Variants in MGRN1 observed in about 807,000 individuals in gnomAD.
The protein encoded by MGRN1 is mahogunin ring finger 1, also known as E3 ubiquitin-protein ligase MGRN1.
MGRN1 carries 29 observed loss-of-function variants against 69.2 expected under a neutral mutation model. The observed-to-expected ratio is 0.42, with a 90% confidence interval of 0.31 to 0.57. The LOEUF is 0.57. Ranked by LOEUF, MGRN1 falls within the 20% of genes least tolerant of loss-of-function variation. MGRN1 has a pLI of 0.15. For synonymous variants in MGRN1, 470 were observed against 344.2 expected (o/e 1.37, Z -4.04); for missense variants, 998 against 796.2 (o/e 1.25, Z -3.05).
rs1338622542 is a variant in MGRN1, at chr16:4,686,909, C to T, written c.1619-1887C>T. 9.1e-6 allele frequency: 9 copies of T among 985,440 alleles called. No individual in the cohort carries two copies. The African/African-American group carries it at 1.2e-4, about 13-fold the overall frequency. 61.0% of individuals were successfully genotyped at this position (985,440 alleles called of 1,614,324 possible). A position where few individuals can be genotyped will look rare whatever the true frequency, so the allele number is the denominator to read the frequency against. On this transcript the variant is annotated intron_variant, in intron 16 of 16. Transcript: ENST00000262370. ...TGGATCACGTCTTCCCAAGCTCAGT[C>T]CCTGTCTCTTGGAGGGAGTCCGTCC...
chr16:4,642,513 A>G (rs2078183420), intron 1 of MGRN1, among the ~76,000 whole-genome samples: 2 of 142,794 alleles, frequency 1.4e-5, no homozygotes. Flanking sequence ...TTTAGTAGAG[A>G]TGGGGGTTTC....
At chr16:4,632,417 G>A (rs911194993) in intron 1 of MGRN1, among the ~76,000 whole-genome samples, 35 of 151,474 alleles carry the variant, frequency 2.3e-4, no homozygotes, top group African/African-American at 7.5e-4. Context: ...TTTTTGAGAC[G>A]GAGTCTTGCT....
At chr16:4,685,991 G>C (rs896081385) in intron 16 of MGRN1, among the ~76,000 whole-genome samples, 4 of 152,204 alleles carry the variant, frequency 2.6e-5, no homozygotes, top group Admixed American at 2.6e-4. Context: ...GACTGCGCCC[G>C]TTAGGTCCTT....
At chr16:4,668,114 T>C in intron 7 of MGRN1, 151 bp from the exon 8 acceptor site, 1 of 624,412 alleles carries the variant, frequency 1.6e-6, no homozygotes, top group Non-Finnish European at 2.7e-6. Context: ...CGCTGTCAAG[T>C]GGCCCCACCC....
intron 1 of MGRN1, among the ~76,000 whole-genome samples, chr16:4,626,461 T>A (rs1296900609): frequency 6.6e-6 from 1 of 152,228 alleles, no homozygotes; most frequent in Non-Finnish European, 1.5e-5. Flanking sequence ...CTTAACCCCC[T>A]GGGTCCCAGT....
chr16:4,686,210 G>T, intron 16 of MGRN1: 1 of 1,536,514 alleles, frequency 6.5e-7, no homozygotes. Flanking sequence ...GCTGGCTGCT[G>T]CGCGCTTGCT....
Position 4,672,184 on chromosome 16 carries a change from G to T in MGRN1, c.795+725G>T, listed in dbSNP as rs188168541. ...CTCCCAAAGTGCTGGGATTACAGGC[G>T]TGAACCACCGCGCCCAGCCTAATTT... On this transcript the variant is annotated intron_variant, in intron 9 of 16. Transcript: ENST00000262370. 9.5e-4 allele frequency among the ~76,000 whole-genome samples: 144 copies of T among 152,104 alleles called. 2 individuals carry two copies. The East Asian group carries it at 0.027, about 28-fold the overall frequency.
At chr16:4,681,107 C>T (rs993461873) in intron 12 of MGRN1, among the ~76,000 whole-genome samples, 2 of 152,240 alleles carry the variant, frequency 1.3e-5, no homozygotes, top group African/African-American at 4.8e-5. Flanking sequence ...CCCAGAGGCC[C>T]GGGCAGGGCA....
intron 1 of MGRN1, among the ~76,000 whole-genome samples, chr16:4,625,439 G>A (rs1361906571): frequency 4.9e-4 from 74 of 152,248 alleles, no homozygotes; most frequent in Non-Finnish European, 2.8e-4. Flanking sequence ...CCTCACCGCG[G>A]GGGCCGGCTT....
chr16:4,644,387 G>A (rs9938642), intron 1 of MGRN1, among the ~76,000 whole-genome samples: 27 of 146,586 alleles, frequency 1.8e-4, no homozygotes, highest in African/African-American at 6.0e-4. Context: ...CTCAGCTCAC[G>A]GCAACCTCTG....
rs1567226380 is a variant in MGRN1, at chr16:4,674,921, T to TGAGCCACCGCGCCTGGCC, written c.955+1275_955+1292dup. Among the ~76,000 whole-genome samples, 3 of 150,620 alleles carry TGAGCCACCGCGCCTGGCC rather than the reference T, an allele frequency of 2.0e-5. No homozygotes were observed. The South Asian group carries it at 6.3e-4, about 32-fold the overall frequency. On this transcript the variant is annotated intron_variant, in intron 10 of 16. Coordinates refer to ENST00000262370, the MANE Select transcript of MGRN1 (RefSeq NM_015246.4). ...TCCCAAAGTGCTGGGATTACAGGCG[T>TGAGCCACCGCGCCTGGCC]GAGCCACCGCGCCTGGCCGAGCCAC...
chr16:4,680,350 C>T lies in MGRN1; in HGVS notation c.1131+253C>T, dbSNP rs534721325. On this transcript the variant is annotated intron_variant, in intron 12 of 16. Coordinates refer to ENST00000262370, the MANE Select transcript of MGRN1 (RefSeq NM_015246.4). ...CTTTGCCTCCGCCCCGCGTGGCCCC[C>T]GTGCCGTTTCCCTTTTTTTTCTTGC... 1.2e-5 allele frequency: 6 copies of T among 481,492 alleles called. No individual in the cohort carries two copies. The South Asian group carries it at 1.3e-4, about 10-fold the overall frequency. The allele number at this position is 481,492 out of a possible 1,614,324, so 29.8% of individuals were successfully genotyped here.
intron 10 of MGRN1, 22 bp from the exon 11 acceptor site, chr16:4,677,441 C>G: frequency 6.5e-7 from 1 of 1,531,440 alleles, no homozygotes. Context: ...TGGGCCTGAT[C>G]TGAGCCCTCC....
At chr16:4,669,672 T>C (rs2078896132) in intron 8 of MGRN1, among the ~76,000 whole-genome samples, 1 of 152,202 alleles carries the variant, frequency 6.6e-6, no homozygotes, top group Admixed American at 6.5e-5. Flanking sequence ...AAACAAAGTC[T>C]GCAACTCCTT....
intron 16 of MGRN1, chr16:4,688,176 C>T (rs1030735208): frequency 1.2e-5 from 12 of 985,466 alleles, no homozygotes; most frequent in Non-Finnish European, 1.3e-5. Flanking sequence ...TCAGGCAGCC[C>T]TGAGGCCATG....
chr16:4,652,092 G>C, intron 3 of MGRN1, 41 bp downstream of exon 3: 6 of 1,589,062 alleles, frequency 3.8e-6, no homozygotes, highest in African/African-American at 2.7e-5. Flanking sequence ...GGCTCTGTGG[G>C]GCGCAGCCTG....
Position 4,629,155 on chromosome 16 carries a change from TGTGTG to T in MGRN1, c.88+4108_88+4112del, listed in dbSNP as rs1567164362. 7.4e-3 allele frequency among the ~76,000 whole-genome samples: 1,087 copies of T among 146,764 alleles called. 4 individuals carry two copies. The highest frequency in any genetic ancestry group is 0.015 in the East Asian group (75 of 5,026). On this transcript the variant is annotated intron_variant, in intron 1 of 16. Coordinates refer to ENST00000262370, the MANE Select transcript of MGRN1 (RefSeq NM_015246.4). ...CTGGCCTGCTTTCTGTTCGTATGTG[TGTGTG>T]TGTGTGTGTGTGTGTGTGTGTGTGT...
rs1427049148 is a variant in MGRN1 at position 4,677,545 on chromosome 16, C to T, written c.1038C>T (p.Ala346=). 1 of 1,599,876 alleles carries T rather than the reference C, an allele frequency of 6.3e-7. No individual in the cohort carries two copies. Among genetic ancestry groups the T allele is most frequent in the African/African-American group, 1.3e-5 (1 of 74,860 alleles). ...CCGTGTCCTTCAGCCCCGTCCTGGCCCAGAGCCTGGAGCATGATGAGCACT... is the reference window on the plus strand; with the variant it reads ...CCGTGTCCTTCAGCCCCGTCCTGGCTCAGAGCCTGGAGCATGATGAGCACT... ...LSPVSFSPVL[A]QSLEHDEHSC... Residue 346 remains alanine, a synonymous_variant, in exon 11 of 17, where the codon GCC becomes GCT. Coordinates refer to ENST00000262370, the MANE Select transcript of MGRN1 (RefSeq NM_015246.4).
At chr16:4,635,587 C>T (rs1006470451) in intron 1 of MGRN1, among the ~76,000 whole-genome samples, 4 of 151,710 alleles carry the variant, frequency 2.6e-5, no homozygotes, top group Non-Finnish European at 4.4e-5. Context: ...CTCCTTCAGC[C>T]TCTGGAGTAG....
Sources: gnomAD v4.1 joint callset for allele counts (sites outside exome capture counted in the v4.1 genomes callset) on GRCh38, gnomAD v4.1.1 for gene constraint, MANE v1.5 for transcripts, NCBI Gene and HGNC (gene_info 2026-07-23, HGNC 2026-07-21) for gene names.